Variants in CELA3B observed in about 807,000 individuals in gnomAD.
The protein encoded by CELA3B is chymotrypsin-like elastase family member 3B.
In CELA3B, 34 loss-of-function variants were observed where a neutral mutation model predicts 37.2. The observed-to-expected ratio is 0.91, with a 90% CI of 0.70 to 1.22. The LOEUF (loss-of-function observed/expected upper bound fraction) is 1.22, where lower values mean the gene tolerates loss of function less well. Ranked by LOEUF, CELA3B falls within the 50% of genes most tolerant of loss-of-function variation. The pLI is 0.00. For synonymous variants in CELA3B, 127 were observed against 143.5 expected (o/e 0.89, Z 0.82); for missense variants, 340 against 363.1 (o/e 0.94, Z 0.52).
chr1:21,984,450 A>G lies in CELA3B; in HGVS notation c.642+119A>G, dbSNP rs571565103. The G allele has an allele frequency of 6.8e-5, 94 of 1,375,580 alleles. No homozygotes were observed. The African/African-American group carries it at 1.2e-3, about 18-fold the overall frequency. The allele number at this position is 1,375,580 out of a possible 1,614,324, so 85.2% of individuals were successfully genotyped here. A position where few individuals can be genotyped will look rare whatever the true frequency, so the allele number is the denominator to read the frequency against. On this transcript the variant is annotated intron_variant, in intron 6 of 7. Transcript: ENST00000337107. ...GCTTGCCCCATTCAGCCTCCAGGCC[A>G]GGCAGGACTTGGAGGAAATCAGCGC...
chr1:21,992,625 T>C (rs1644873737), downstream of CELA3B, among the ~76,000 whole-genome samples: 1 of 151,526 alleles, frequency 6.6e-6, no homozygotes, highest in Non-Finnish European at 1.5e-5. Context: ...TGAGCTGCAG[T>C]TGTTTTAATA....
rs550752207 is a variant in CELA3B, at chr1:21,985,280, C to CTTTTTT, written c.642+959_642+964dup. ...CCTGGGCGACAGAGCAAGATGTTGT[C>CTTTTTT]TTTTTTTTTTTTTTTGAGACAGGAT... On this transcript the variant is annotated intron_variant, in intron 6 of 7. Coordinates refer to ENST00000337107, the MANE Select transcript of CELA3B (RefSeq NM_007352.4). 1.4e-5 allele frequency among the ~76,000 whole-genome samples: 2 copies of CTTTTTT among 145,590 alleles called. 1 individual carries two copies.
intron 7 of CELA3B, chr1:21,987,786 T>G (rs1285245361): frequency 2.7e-5 from 4 of 149,152 alleles, no homozygotes; most frequent in African/African-American, 1.0e-4. Flanking sequence ...CTTAAAAAAA[T>G]GAAAATAAAC....
intron 4 of CELA3B, among the ~76,000 whole-genome samples, chr1:21,996,170 G>A (rs1303981415): frequency 4.6e-5 from 7 of 151,128 alleles, no homozygotes; most frequent in South Asian, 2.1e-4. Context: ...CCGAGATCGC[G>A]CCACTGTACT....
rs550752207 is a variant in CELA3B at position 21,985,280 on chromosome 1, C to CTTTTT, written c.642+960_642+964dup. On this transcript the variant is annotated intron_variant, in intron 6 of 7. Coordinates refer to ENST00000337107, the MANE Select transcript of CELA3B (RefSeq NM_007352.4). The stretch of plus-strand genomic sequence containing the variant: ...CCTGGGCGACAGAGCAAGATGTTGT[C>CTTTTT]TTTTTTTTTTTTTTTGAGACAGGAT... Among the ~76,000 whole-genome samples the CTTTTT allele has an allele frequency of 7.6e-5, 11 of 145,592 alleles. 3 individuals are homozygous for CTTTTT. Among genetic ancestry groups the CTTTTT allele is most frequent in the Non-Finnish European group, 7.5e-5 (5 of 66,474 alleles).
At chr1:21,977,216 G>C in intron 1 of CELA3B, 134 bp downstream of exon 1, 1 of 1,338,340 alleles carries the variant, frequency 7.5e-7, no homozygotes. Context: ...GTACCCGGGG[G>C]CATGACTGTG....
In CELA3B at chr1:21,986,647, C is replaced by T. The variant is rs569841282; in HGVS notation, c.759C>T (p.Phe253=). The part of the protein sequence containing the change: ...GCNTRRKPTV[F]TRVSAFIDWI... The stretch of plus-strand genomic sequence containing the variant: ...ACACCCGCAGGAAGCCCACGGTGTT[C>T]ACTCGAGTCTCCGCCTTCATTGACT... Residue 253 remains phenylalanine, a synonymous_variant, in exon 7 of 8, where the codon TTC becomes TTT. Transcript: ENST00000337107. 1.4e-4 allele frequency: 220 copies of T among 1,613,928 alleles called. 1 individual carries two copies. In the Middle Eastern group the frequency reaches 1.5e-3, roughly 11 times the overall value.
chr1:21,988,946 T>C (rs1466236796), intron 7 of CELA3B, among the ~76,000 whole-genome samples: 1 of 150,432 alleles, frequency 6.6e-6, no homozygotes, highest in African/African-American at 2.4e-5. Flanking sequence ...CATACATACA[T>C]ACATATATAT....
Position 21,984,218 on chromosome 1 carries a change from G to C in CELA3B, c.529G>C (p.Glu177Gln), listed in dbSNP as rs139222231. 1.8e-4 allele frequency: 290 copies of C among 1,614,088 alleles called. 3 individuals are homozygous for C. Among genetic ancestry groups the C allele is most frequent in the African/African-American group, 1.8e-3 (134 of 75,038 alleles). Residue 177 changes from glutamate (E) to glutamine (Q), a missense_variant, in exon 6 of 8, where the codon GAG becomes CAG. Glu to Gln is a conservative substitution (Grantham distance 29). Transcript: ENST00000337107. ...TNGPLPDKLQEALLPVVDYEH... is the reference protein window; with the variant it reads ...TNGPLPDKLQQALLPVVDYEH... ...CGGGCCACTCCCAGACAAGCTGCAGGAGGCCCTGCTGCCGGTGGTGGACTA... is the reference window on the plus strand; with the variant it reads ...CGGGCCACTCCCAGACAAGCTGCAGCAGGCCCTGCTGCCGGTGGTGGACTA...
chr1:21,996,492 C>T (rs1422603111), intron 4 of CELA3B, among the ~76,000 whole-genome samples: 1 of 151,150 alleles, frequency 6.6e-6, no homozygotes, highest in Non-Finnish European at 1.5e-5. Flanking sequence ...TAAGGGGAGG[C>T]ATGAATAATC....
chr1:21,984,134 G>A (rs1644823076), intron 5 of CELA3B, 55 bp from the exon 6 acceptor site: 2 of 1,572,940 alleles, frequency 1.3e-6, no homozygotes, highest in Middle Eastern at 1.7e-4. Context: ...CCTTCCTCTG[G>A]GGCTCCTAGC....
At chr1:21,990,067 AAG>A (rs1644863776), downstream of CELA3B, among the ~76,000 whole-genome samples, 1 of 151,012 alleles carries the variant, frequency 6.6e-6, no homozygotes, top group South Asian at 2.1e-4. Context: ...TTGCCTAGCA[AAG>A]GGGGAAGAGC....
chr1:21,984,111 G>T, intron 5 of CELA3B, 78 bp from the exon 6 acceptor site: 2 of 1,519,306 alleles, frequency 1.3e-6, no homozygotes, highest in East Asian at 4.5e-5. Flanking sequence ...AGAACTGTGC[G>T]CCTTGGATGC....
chr1:21,987,722 C>T (rs985063516), intron 7 of CELA3B: 3 of 150,264 alleles, frequency 2.0e-5, no homozygotes, highest in African/African-American at 7.4e-5. Context: ...AGTAGGATCA[C>T]ACCTGTGAAT....
At chr1:21,986,230 G>A (rs1404458104) in intron 6 of CELA3B, among the ~76,000 whole-genome samples, 2 of 151,870 alleles carry the variant, frequency 1.3e-5, no homozygotes, top group Admixed American at 6.6e-5. Flanking sequence ...TTAGCTGGGT[G>A]TGGTGGCAGG....
At chr1:21,979,340 G>A (rs1054856652) in intron 2 of CELA3B, among the ~76,000 whole-genome samples, 26 of 151,844 alleles carry the variant, frequency 1.7e-4, no homozygotes, top group Admixed American at 1.4e-3. Context: ...TCAAAGTGCT[G>A]GGATTACAGG....
Position 21,977,354 on chromosome 1 carries a change from C to A in CELA3B, c.43+272C>A, listed in dbSNP as rs541497976. Among the ~76,000 whole-genome samples the A allele has an allele frequency of 6.0e-4, 92 of 152,226 alleles. 1 individual carries two copies. Among genetic ancestry groups the A allele is most frequent in the African/African-American group, 2.0e-3 (85 of 41,530 alleles). On this transcript the variant is annotated intron_variant, in intron 1 of 7. Transcript: ENST00000337107. The stretch of plus-strand genomic sequence containing the variant: ...AAAGTCAAACGGTTAAGAGTTTGGG[C>A]TGTGTGGTTGGACTTCTTGGGTTGG...
Position 21,983,875 on chromosome 1 carries a change from A to G in CELA3B, c.499+45A>G, listed in dbSNP as rs186563969. The stretch of plus-strand genomic sequence containing the variant: ...GCTGGCCACAGGGACAGTGGCAGAA[A>G]GACAGGGCCTGGGGGCTGCAGGTTG... On this transcript the variant is annotated intron_variant, in intron 5 of 7. Transcript: ENST00000337107. The G allele has an allele frequency of 4.7e-5, 76 of 1,607,390 alleles. No individual in the cohort carries two copies. In the African/African-American group the frequency reaches 8.9e-4, roughly 19 times the overall value.
At chr1:21,998,521 C>T (rs1470740145) in exon 5 of CELA3B, 8 of 197,672 alleles carry the variant, frequency 4.0e-5, no homozygotes, top group Non-Finnish European at 8.6e-5. Context: ...CCTCCAGGTG[C>T]ATCCTGCATG....
Sources: allele counts gnomAD v4.1 joint callset (sites outside exome capture counted in the v4.1 genomes callset), GRCh38; gene constraint gnomAD v4.1.1; transcripts MANE v1.5; gene names NCBI Gene and HGNC (gene_info 2026-07-23, HGNC 2026-07-21).